KCNH7: variants seen among roughly 807,000 people sequenced by gnomAD.
The protein encoded by KCNH7 is potassium voltage-gated channel subfamily H member 7.
Under a neutral mutation model 120.8 loss-of-function variants are expected in KCNH7, and 49 were observed. The ratio of observed to expected loss-of-function variants is 0.41; its 90% CI spans 0.32 to 0.51. The LOEUF is 0.51. Among genes scored for constraint, KCNH7 ranks in the 20% least tolerant of loss-of-function variants. The pLI, the probability that KCNH7 is intolerant of heterozygous loss-of-function variation, is 0.38. For missense variants in KCNH7, 1,097 were observed against 1,446.6 expected (o/e 0.76, Z 3.92); for synonymous variants, 547 against 516.1 (o/e 1.06, Z -0.81).
At chr2:162,507,408 A>G (rs1690917927) in intron 5 of KCNH7, among the ~76,000 whole-genome samples, 1 of 151,494 alleles carries the variant, frequency 6.6e-6, no homozygotes, top group Non-Finnish European at 1.5e-5. Context: ...ATGAAAAGGA[A>G]CCTATCTCTT....
chr2:162,485,662 G>C, intron 6 of KCNH7, among the ~76,000 whole-genome samples: 1 of 152,182 alleles, frequency 6.6e-6, no homozygotes, highest in East Asian at 1.9e-4. Context: ...GAGAGAGAAT[G>C]TATGAGAACT....
At chr2:162,565,750 A>G (rs949852557) in intron 2 of KCNH7, among the ~76,000 whole-genome samples, 2 of 152,054 alleles carry the variant, frequency 1.3e-5, no homozygotes, top group African/African-American at 4.8e-5. Flanking sequence ...TTATTTATAA[A>G]GTTTCACCAT....
At chr2:162,830,456 A>G (rs1244164184) in intron 2 of KCNH7, among the ~76,000 whole-genome samples, 1 of 152,140 alleles carries the variant, frequency 6.6e-6, no homozygotes, top group Non-Finnish European at 1.5e-5. Context: ...AACACACTCA[A>G]TAAGCCTAAC....
intron 2 of KCNH7, among the ~76,000 whole-genome samples, chr2:162,699,210 GAAC>G (rs1015901688): frequency 3.3e-5 from 5 of 151,908 alleles, no homozygotes; most frequent in Admixed American, 2.6e-4. Context: ...TGTATCCTTT[GAAC>G]AACATTTCCC....
intron 9 of KCNH7, among the ~76,000 whole-genome samples, chr2:162,406,818 A>G (rs1387033357): frequency 6.6e-6 from 1 of 151,974 alleles, no homozygotes; most frequent in African/African-American, 2.4e-5. Context: ...TAACGTCCCA[A>G]CATAATGGAT....
intron 2 of KCNH7, among the ~76,000 whole-genome samples, chr2:162,814,188 T>C (rs1367401625): frequency 6.6e-6 from 1 of 152,056 alleles, no homozygotes; most frequent in East Asian, 1.9e-4. Flanking sequence ...TACAAGTAGG[T>C]TTGCAGGAAA....
At chr2:162,372,755 G>A (rs945051590) in intron 15 of KCNH7, among the ~76,000 whole-genome samples, 2 of 151,870 alleles carry the variant, frequency 1.3e-5, no homozygotes, top group African/African-American at 2.4e-5. Context: ...TTGTTCTTAG[G>A]TCCAATTTCA....
chr2:162,594,719 A>C (rs758918788), intron 2 of KCNH7, among the ~76,000 whole-genome samples: 9 of 151,894 alleles, frequency 5.9e-5, no homozygotes, highest in Non-Finnish European at 1.3e-4. Context: ...ACAATATAAC[A>C]ACAATTTACA....
At chr2:162,486,880 G>A (rs2105699852) in intron 6 of KCNH7, among the ~76,000 whole-genome samples, 1 of 152,222 alleles carries the variant, frequency 6.6e-6, no homozygotes, top group South Asian at 2.1e-4. Flanking sequence ...ATTTAATTCA[G>A]GAATTTTTAG....
At chr2:162,511,783 C>CAAA (rs1175845994) in intron 5 of KCNH7, among the ~76,000 whole-genome samples, 1 of 151,662 alleles carries the variant, frequency 6.6e-6, no homozygotes, top group Non-Finnish European at 1.5e-5. Flanking sequence ...AGAGAGTGGT[C>CAAA]AAAACAGTGA....
intron 2 of KCNH7, among the ~76,000 whole-genome samples, chr2:162,625,610 A>G (rs1683525329): frequency 1.3e-5 from 2 of 152,176 alleles, no homozygotes; most frequent in Non-Finnish European, 2.9e-5. Flanking sequence ...TTGGGTAAGC[A>G]CAAAGAAAAA....
At chr2:162,407,490 G>A (rs948780724) in intron 9 of KCNH7, among the ~76,000 whole-genome samples, 1 of 152,018 alleles carries the variant, frequency 6.6e-6, no homozygotes, top group African/African-American at 2.4e-5. Flanking sequence ...TGTGTAGGCA[G>A]AGGGGATTTA....
At chr2:162,427,613 G>C (rs1176842448) in intron 8 of KCNH7, among the ~76,000 whole-genome samples, 2 of 151,262 alleles carry the variant, frequency 1.3e-5, no homozygotes, top group Non-Finnish European at 3.0e-5. Flanking sequence ...TTATGATCTC[G>C]GTATTGAAAA....
At chr2:162,602,029 G>C (rs1168855356) in intron 2 of KCNH7, among the ~76,000 whole-genome samples, 4 of 152,086 alleles carry the variant, frequency 2.6e-5, no homozygotes, top group Non-Finnish European at 5.9e-5. Context: ...TGGATATTAG[G>C]GTCCTTGCAG....
intron 3 of KCNH7, among the ~76,000 whole-genome samples, chr2:162,530,726 AT>A (rs1166411454): frequency 1.3e-5 from 2 of 151,650 alleles, no homozygotes; most frequent in Admixed American, 1.3e-4. Flanking sequence ...TTTATTCTTT[AT>A]TTTTTTTAAG....
chr2:162,425,903 A>C (rs193176319), intron 8 of KCNH7, among the ~76,000 whole-genome samples: 1 of 152,154 alleles, frequency 6.6e-6, no homozygotes, highest in African/African-American at 2.4e-5. Flanking sequence ...TTATAAGTAC[A>C]TAGTTGAATA....
chr2:162,602,201 G>C (rs530798923), intron 2 of KCNH7, among the ~76,000 whole-genome samples: 3 of 152,084 alleles, frequency 2.0e-5, no homozygotes, highest in African/African-American at 7.2e-5. Context: ...GGCCTAGAAA[G>C]AAATTTGCAA....
chr2:162,414,897 G>T (rs1687495402), intron 9 of KCNH7, among the ~76,000 whole-genome samples: 1 of 151,940 alleles, frequency 6.6e-6, no homozygotes, highest in South Asian at 2.1e-4. Context: ...GGCCTATAGA[G>T]GTAATGACAT....
At chr2:162,645,473 AAATT>A (rs1207722977) in intron 2 of KCNH7, among the ~76,000 whole-genome samples, 3 of 152,110 alleles carry the variant, frequency 2.0e-5, no homozygotes, top group African/African-American at 7.2e-5. Flanking sequence ...TTTAAACAAA[AAATT>A]CACCATGGAA....
Sources: gnomAD v4.1 joint callset for allele counts (sites outside exome capture counted in the v4.1 genomes callset) on GRCh38, gnomAD v4.1.1 for gene constraint, MANE v1.5 for transcripts, NCBI Gene and HGNC (gene_info 2026-07-23, HGNC 2026-07-21) for gene names.